The following TUSC3 variants were observed in gnomAD, a reference collection of about 807,000 sequenced individuals.
TUSC3 encodes the protein dolichyl-diphosphooligosaccharide--protein glycosyltransferase subunit TUSC3.
Under a neutral mutation model 44.8 loss-of-function variants are expected in TUSC3, and 45 were observed. The observed-to-expected ratio is 1.00, with a 90% CI of 0.79 to 1.29. The LOEUF is 1.29. Among genes scored for constraint, TUSC3 ranks in the 50% most tolerant of loss-of-function variants. TUSC3 has a pLI of 0.00. For missense variants in TUSC3, 519 were observed against 437.9 expected (o/e 1.19, Z -1.65); for synonymous variants, 212 against 152.9 (o/e 1.39, Z -2.85).
intron 1 of TUSC3, among the ~76,000 whole-genome samples, chr8:15,554,434 C>T (rs1384965484): frequency 1.3e-5 from 2 of 151,406 alleles, no homozygotes; most frequent in Non-Finnish European, 2.9e-5. Flanking sequence ...CTTTATCAGC[C>T]AGGGTCTCTG....
chr8:15,704,349 G>T (rs1809530168), intron 6 of TUSC3, among the ~76,000 whole-genome samples: 1 of 151,336 alleles, frequency 6.6e-6, no homozygotes, highest in African/African-American at 2.4e-5. Context: ...GAGTGACACG[G>T]TGCTGTGCTG....
At chr8:15,684,593 G>C (rs944631617) in intron 6 of TUSC3, among the ~76,000 whole-genome samples, 1 of 152,148 alleles carries the variant, frequency 6.6e-6, no homozygotes, top group African/African-American at 2.4e-5. Context: ...GCAGCTGGCT[G>C]TCAGGCTGCG....
At chr8:15,722,435 T>A (rs1317325694) in intron 6 of TUSC3, among the ~76,000 whole-genome samples, 1 of 152,032 alleles carries the variant, frequency 6.6e-6, no homozygotes, top group Non-Finnish European at 1.5e-5. Context: ...GTGGACTGAA[T>A]CTAGTCTCTG....
At chr8:15,426,332 T>C (rs575989836) in intron 1 of TUSC3, among the ~76,000 whole-genome samples, 181 of 152,334 alleles carry the variant, frequency 1.2e-3, no homozygotes, top group African/African-American at 4.1e-3. Flanking sequence ...GGCACTACGT[T>C]AGACAGCTGA....
chr8:15,631,675 TG>T (rs1470227434), intron 2 of TUSC3, among the ~76,000 whole-genome samples: 6 of 99,736 alleles, frequency 6.0e-5, no homozygotes, highest in African/African-American at 1.6e-4. Flanking sequence ...CTGTTGTGTG[TG>T]TGTGTGTGTG....
the TUSC3 span, among the ~76,000 whole-genome samples, chr8:15,799,940 C>T: frequency 6.6e-6 from 1 of 152,174 alleles, no homozygotes; most frequent in Non-Finnish European, 1.5e-5. Context: ...CACAGGGCAA[C>T]ACAAAGAGGG....
intron 2 of TUSC3, among the ~76,000 whole-genome samples, chr8:15,529,566 A>G (rs1180231789): frequency 1.3e-5 from 2 of 152,100 alleles, no homozygotes; most frequent in Non-Finnish European, 2.9e-5. Flanking sequence ...CATTATAGAA[A>G]ATTTGCTTTA....
In TUSC3 at chr8:15,673,799, C is replaced by T. The variant is rs1248855396; in HGVS notation, c.761C>T (p.Pro254Leu). ...CAGATGTGGAACCATATCCGTGGAC[C>T]TCCATATGCTCATAAGAACCCACAC... ...SGQMWNHIRGPPYAHKNPHNG... is the reference protein window; with the variant it reads ...SGQMWNHIRGLPYAHKNPHNG... Residue 254 changes from proline (P) to leucine (L), a missense_variant, in exon 6 of 11, where the codon CCT becomes CTT. Coordinates refer to ENST00000503731, the MANE Select transcript of TUSC3 (RefSeq NM_006765.4). 1 of 1,612,660 alleles carries T rather than the reference C, an allele frequency of 6.2e-7. No homozygotes were observed. The highest frequency in any genetic ancestry group is 1.3e-5 in the African/African-American group (1 of 74,924).
chr8:15,463,765 G>T (rs534409699), intron 1 of TUSC3, among the ~76,000 whole-genome samples: 1 of 152,122 alleles, frequency 6.6e-6, no homozygotes, highest in South Asian at 2.1e-4. Flanking sequence ...TCATCAGTTC[G>T]TCGCTTCTCT....
intron 1 of TUSC3, among the ~76,000 whole-genome samples, chr8:15,482,436 T>G (rs562869255): frequency 2.0e-5 from 3 of 152,220 alleles, no homozygotes; most frequent in Non-Finnish European, 4.4e-5. Context: ...TATAGCGTTA[T>G]GAATGATAGC....
intron 2 of TUSC3, among the ~76,000 whole-genome samples, chr8:15,502,601 C>T (rs1800982772): frequency 6.6e-6 from 1 of 152,212 alleles, no homozygotes; most frequent in South Asian, 2.1e-4. Flanking sequence ...CACCATTGTC[C>T]TGTCTCAGCC....
chr8:15,787,119 C>A, the TUSC3 span, among the ~76,000 whole-genome samples: 2 of 151,978 alleles, frequency 1.3e-5, no homozygotes, highest in Non-Finnish European at 1.5e-5. Context: ...TTATAATTTT[C>A]CTCTGGGTAA....
chr8:15,498,081 A>G (rs1800908760), intron 2 of TUSC3, among the ~76,000 whole-genome samples: 2 of 152,172 alleles, frequency 1.3e-5, no homozygotes, highest in Non-Finnish European at 2.9e-5. Context: ...GAAGAGACAA[A>G]AGTAGGTTTG....
At chr8:15,578,807 T>C (rs1258913285) in intron 1 of TUSC3, among the ~76,000 whole-genome samples, 4 of 152,128 alleles carry the variant, frequency 2.6e-5, no homozygotes, top group Non-Finnish European at 5.9e-5. Context: ...CTGGCTTTGG[T>C]ATCAGAATGA....
At chr8:15,591,404 C>T (rs2129150458) in intron 1 of TUSC3, among the ~76,000 whole-genome samples, 1 of 152,190 alleles carries the variant, frequency 6.6e-6, no homozygotes, top group African/African-American at 2.4e-5. Flanking sequence ...TTAATCTATT[C>T]ATTTATTAAT....
intron 1 of TUSC3, among the ~76,000 whole-genome samples, chr8:15,614,250 G>T (rs1461449282): frequency 6.6e-6 from 1 of 151,852 alleles, no homozygotes; most frequent in Non-Finnish European, 1.5e-5. Flanking sequence ...TGAGATGGGG[G>T]TCTTTAGTAT....
At chr8:15,427,134 C>G (rs1215475784) in intron 1 of TUSC3, among the ~76,000 whole-genome samples, 1 of 149,208 alleles carries the variant, frequency 6.7e-6, no homozygotes, top group South Asian at 2.1e-4. Context: ...GAAATTAACC[C>G]CTTATGAGAT....
intron 1 of TUSC3, among the ~76,000 whole-genome samples, chr8:15,542,001 T>A (rs1383029576): frequency 1.2e-5 from 1 of 84,142 alleles, no homozygotes. Context: ...CCTTAATCAA[T>A]TTTTTTTTTT....
At chr8:15,801,093 G>T in the TUSC3 span, among the ~76,000 whole-genome samples, 2 of 152,170 alleles carry the variant, frequency 1.3e-5, no homozygotes, top group Non-Finnish European at 2.9e-5. Flanking sequence ...TATTAAGAAA[G>T]TAAAAGAATA....
Sources: gnomAD v4.1 joint callset for allele counts (sites outside exome capture counted in the v4.1 genomes callset) on GRCh38, gnomAD v4.1.1 for gene constraint, MANE v1.5 for transcripts, NCBI Gene and HGNC (gene_info 2026-07-23, HGNC 2026-07-21) for gene names.